Variants in EPM2A observed in about 807,000 individuals in gnomAD.
EPM2A encodes the protein EPM2A glucan phosphatase, laforin.
A neutral mutation model predicts 26.5 loss-of-function variants in EPM2A; 21 were observed. The ratio of observed to expected loss-of-function variants is 0.79; its 90% CI spans 0.56 to 1.14. The LOEUF is 1.14. Ranked by LOEUF, EPM2A falls within the 50% of genes most tolerant of loss-of-function variation. The pLI, the probability that EPM2A is intolerant of heterozygous loss-of-function variation, is 0.00. For missense variants in EPM2A, 458 were observed against 440.8 expected (o/e 1.04, Z -0.35); for synonymous variants, 217 against 177.6 (o/e 1.22, Z -1.76).
At chr6:145,424,657 G>T (rs1778829154) in intron 4 of EPM2A, among the ~76,000 whole-genome samples, 1 of 152,170 alleles carries the variant, frequency 6.6e-6, no homozygotes. Context: ...GGTATTAGGA[G>T]GTGGGGCCTT....
At chr6:145,734,949 G>C (rs1480235928) in intron 1 of EPM2A, 1 of 278,836 alleles carries the variant, frequency 3.6e-6, no homozygotes, top group African/African-American at 2.2e-5. Flanking sequence ...AGAGTGGGCG[G>C]GAAGGCGGCC....
chr6:145,610,002 G>C (rs1775356831), intron 2 of EPM2A, among the ~76,000 whole-genome samples: 1 of 152,086 alleles, frequency 6.6e-6, no homozygotes, highest in African/African-American at 2.4e-5. Context: ...GGATCACGAG[G>C]TCAGGAGTTC....
chr6:145,566,099 T>C (rs915780573), intron 2 of EPM2A, among the ~76,000 whole-genome samples: 1 of 152,160 alleles, frequency 6.6e-6, no homozygotes, highest in African/African-American at 2.4e-5. Context: ...CAAAATCATC[T>C]GCATGGTACA....
intron 4 of EPM2A, among the ~76,000 whole-genome samples, chr6:145,438,662 C>T (rs1269795450): frequency 5.3e-5 from 8 of 151,616 alleles, no homozygotes; most frequent in Non-Finnish European, 5.9e-5. Flanking sequence ...TTAGTAGAGA[C>T]GGGGTTTCAC....
At position 145,654,522 on chromosome 6, in the gene EPM2A, CA is replaced by C. The variant is rs370078980; in HGVS notation, c.477-19037del. Among the ~76,000 whole-genome samples, 9 of 152,194 alleles carry C rather than the reference CA, an allele frequency of 5.9e-5. No individual in the cohort carries two copies. The East Asian group carries it at 7.7e-4, about 13-fold the overall frequency. ...AAAATTTTCTCAATTGTAGGAAATA[CA>C]AAAAAGTTTTGATCTGCCATACTCA... is the stretch of plus-strand genomic sequence containing the variant. On this transcript the variant is annotated intron_variant, in intron 2 of 3. Coordinates refer to ENST00000367519, the MANE Select transcript of EPM2A (RefSeq NM_005670.4).
intron 1 of EPM2A, chr6:145,721,771 G>A (rs1562522423): frequency 6.6e-6 from 1 of 152,096 alleles, no homozygotes; most frequent in Non-Finnish European, 1.5e-5. Flanking sequence ...ATCTCTATCA[G>A]ATGCCTATTA....
At chr6:145,637,990 G>T (rs536899116) in intron 2 of EPM2A, 6 of 152,232 alleles carry the variant, frequency 3.9e-5, no homozygotes, top group African/African-American at 1.4e-4. Context: ...AGAGGGAAGT[G>T]GACACTTCCG....
intron 2 of EPM2A, chr6:145,637,580 G>A (rs1206047667): frequency 6.6e-6 from 1 of 152,050 alleles, no homozygotes; most frequent in African/African-American, 2.4e-5. Context: ...AGAAAAGTTA[G>A]AAATGGCAAA....
intron 4 of EPM2A, among the ~76,000 whole-genome samples, chr6:145,444,359 G>T (rs1222439869): frequency 2.0e-5 from 3 of 152,144 alleles, no homozygotes; most frequent in Non-Finnish European, 2.9e-5. Context: ...ATAATCAGGT[G>T]GTTTTTGTCT....
chr6:145,696,210 G>A (rs1781560927), intron 1 of EPM2A, among the ~76,000 whole-genome samples: 1 of 151,980 alleles, frequency 6.6e-6, no homozygotes, highest in Non-Finnish European at 1.5e-5. Context: ...GGAAATTAAA[G>A]AACATCTTCA....
At chr6:145,452,017 A>G (rs192964006) in intron 4 of EPM2A, among the ~76,000 whole-genome samples, 2 of 152,062 alleles carry the variant, frequency 1.3e-5, no homozygotes, top group Non-Finnish European at 2.9e-5. Context: ...TCTTGCTAGC[A>G]TTCTCCTTCC....
intron 1 of EPM2A, among the ~76,000 whole-genome samples, chr6:145,707,150 G>C (rs1782268387): frequency 1.3e-5 from 2 of 152,118 alleles, no homozygotes; most frequent in African/African-American, 4.8e-5. Context: ...CCAATCTAAG[G>C]TATTTTTGTT....
chr6:145,591,038 A>G (rs998626435), intron 2 of EPM2A, among the ~76,000 whole-genome samples: 2 of 152,186 alleles, frequency 1.3e-5, no homozygotes, highest in Non-Finnish European at 1.5e-5. Flanking sequence ...TAAGAACTCT[A>G]TGAAAAGATC....
chr6:145,665,907 C>G (rs1247015836), intron 2 of EPM2A, among the ~76,000 whole-genome samples: 1 of 151,118 alleles, frequency 6.6e-6, no homozygotes, highest in Non-Finnish European at 1.5e-5. Flanking sequence ...AAGCCAAAGA[C>G]AAAAACCACA....
At chr6:145,589,696 G>A (rs1436997475) in intron 2 of EPM2A, among the ~76,000 whole-genome samples, 1 of 152,070 alleles carries the variant, frequency 6.6e-6, no homozygotes, top group Admixed American at 6.6e-5. Flanking sequence ...TCTGGAAGAT[G>A]GCGAGGACCT....
At chr6:145,559,003 T>C (rs955129206) in intron 2 of EPM2A, among the ~76,000 whole-genome samples, 3 of 152,072 alleles carry the variant, frequency 2.0e-5, no homozygotes, top group African/African-American at 7.2e-5. Context: ...GAGATGGTCA[T>C]TATTTCTCCA....
At chr6:145,470,617 T>C (rs2114724818) in intron 4 of EPM2A, among the ~76,000 whole-genome samples, 1 of 152,274 alleles carries the variant, frequency 6.6e-6, no homozygotes, top group East Asian at 1.9e-4. Flanking sequence ...CATGTTTTCT[T>C]GCATGTGTGT....
intron 2 of EPM2A, among the ~76,000 whole-genome samples, chr6:145,569,140 C>A (rs1780922731): frequency 6.6e-6 from 1 of 152,200 alleles, no homozygotes; most frequent in Non-Finnish European, 1.5e-5. Flanking sequence ...TGGACTCTGT[C>A]CTGATTCCTG....
At chr6:145,524,422 A>T (rs421268) in intron 2 of EPM2A, among the ~76,000 whole-genome samples, 67,891 of 151,924 alleles carry the variant, frequency 0.45, 15,208 homozygotes, top group South Asian at 0.58. Flanking sequence ...GCATTTCCTT[A>T]TCTCTGCAGC....
Sources: allele counts gnomAD v4.1 joint callset (sites outside exome capture counted in the v4.1 genomes callset), GRCh38; gene constraint gnomAD v4.1.1; transcripts MANE v1.5; gene names NCBI Gene and HGNC (gene_info 2026-07-23, HGNC 2026-07-21).